The following PATJ variants were observed in gnomAD, a reference collection of about 807,000 sequenced individuals.
PATJ encodes PATJ crumbs cell polarity complex component, also known as inaD-like protein.
PATJ carries 190 observed loss-of-function variants against 224.9 expected under a neutral mutation model. That is an observed-to-expected ratio of 0.84 (90% confidence interval 0.75 to 0.95). PATJ has a LOEUF of 0.95. Ranked by LOEUF, PATJ falls within the 40% of genes least tolerant of loss-of-function variation. The pLI, the probability that PATJ is intolerant of heterozygous loss-of-function variation, is 0.00. For missense variants in PATJ, 2,121 were observed against 2,270.3 expected (o/e 0.93, Z 1.34); for synonymous variants, 769 against 820.3 (o/e 0.94, Z 1.07).
At chr1:61,988,449 G>A (rs140893076) in intron 27 of PATJ, among the ~76,000 whole-genome samples, 32 of 152,262 alleles carry the variant, frequency 2.1e-4, no homozygotes, top group African/African-American at 7.2e-4. Context: ...TACCCACACA[G>A]CATCTTGTTC....
intron 34 of PATJ, among the ~76,000 whole-genome samples, chr1:62,113,431 G>A (rs1664090212): frequency 6.6e-6 from 1 of 152,188 alleles, no homozygotes; most frequent in Admixed American, 6.5e-5. Flanking sequence ...GAGCCCAGGA[G>A]TTTGAGGCCA....
At chr1:61,774,789 T>C (rs536657159) in intron 6 of PATJ, among the ~76,000 whole-genome samples, 1 of 152,332 alleles carries the variant, frequency 6.6e-6, no homozygotes, top group East Asian at 1.9e-4. Flanking sequence ...TGGTTTTGAC[T>C]TCATGTGCTC....
intron 21 of PATJ, among the ~76,000 whole-genome samples, chr1:61,878,452 C>T (rs1009240494): frequency 6.6e-6 from 1 of 152,080 alleles, no homozygotes; most frequent in African/African-American, 2.4e-5. Flanking sequence ...ACCCTGATTC[C>T]AAAGTTTCTA....
chr1:62,082,039 C>T (rs1012183646), intron 32 of PATJ, among the ~76,000 whole-genome samples: 3 of 152,088 alleles, frequency 2.0e-5, no homozygotes, highest in Non-Finnish European at 4.4e-5. Context: ...TACCTAGAGC[C>T]TTTCTTTTTG....
chr1:62,106,754 C>G (rs560535158), intron 33 of PATJ, among the ~76,000 whole-genome samples: 1 of 152,214 alleles, frequency 6.6e-6, no homozygotes, highest in African/African-American at 2.4e-5. Context: ...CATCATCAAG[C>G]CTATTCTTGG....
intron 1 of PATJ, among the ~76,000 whole-genome samples, chr1:61,754,199 T>A (rs905130095): frequency 6.6e-6 from 1 of 152,204 alleles, no homozygotes; most frequent in African/African-American, 2.4e-5. Flanking sequence ...CAAGTTAGAC[T>A]CAGTTTCACC....
Position 61,914,697 on chromosome 1 carries a change from T to TTTTTG in PATJ, c.3570+43_3570+47dup, listed in dbSNP as rs992104118. The TTTTTG allele has an allele frequency of 2.2e-6, 3 of 1,389,688 alleles. No individual in the cohort carries two copies. The African/African-American group carries it at 4.3e-5, about 20-fold the overall frequency. The allele number at this position is 1,389,688 out of a possible 1,614,324, so 86.1% of individuals were successfully genotyped here. Reference sequence around the variant, plus strand: ...GAACCTCTCAAGGATTTAAAAAATGTTTTTGTTTTGTTTTTGTTTTTGTTT... The same window carrying TTTTTG: ...GAACCTCTCAAGGATTTAAAAAATGTTTTTGTTTTGTTTTGTTTTTGTTTTTGTTT... On this transcript the variant is annotated intron_variant, in intron 26 of 43. Coordinates refer to ENST00000642238, the MANE Select transcript of PATJ (RefSeq NM_001350145.3).
At chr1:62,024,988 G>A in intron 29 of PATJ, among the ~76,000 whole-genome samples, 1 of 152,154 alleles carries the variant, frequency 6.6e-6, no homozygotes, top group Non-Finnish European at 1.5e-5. Context: ...GTTCCCAACT[G>A]TCCCAAGCCT....
At chr1:61,863,110 A>C (rs1342895300) in intron 19 of PATJ, among the ~76,000 whole-genome samples, 1 of 136,256 alleles carries the variant, frequency 7.3e-6, no homozygotes, top group Non-Finnish European at 1.5e-5. Context: ...ATCATAACTC[A>C]CTTCAGCGTC....
chr1:61,992,135 G>C (rs946960895), intron 28 of PATJ, among the ~76,000 whole-genome samples: 1 of 67,554 alleles, frequency 1.5e-5, no homozygotes, highest in Non-Finnish European at 2.9e-5. Flanking sequence ...TTTTTTTTTT[G>C]AGACGGAGTT....
intron 31 of PATJ, among the ~76,000 whole-genome samples, chr1:62,053,570 T>C (rs942847469): frequency 6.6e-6 from 1 of 152,038 alleles, no homozygotes; most frequent in African/African-American, 2.4e-5. Context: ...AAATACAAAA[T>C]TAGCCAGGCA....
At chr1:61,985,088 C>T (rs981726193) in intron 27 of PATJ, among the ~76,000 whole-genome samples, 2 of 151,948 alleles carry the variant, frequency 1.3e-5, no homozygotes, top group African/African-American at 2.4e-5. Flanking sequence ...CCGTTGTGGG[C>T]GGATCACAAG....
At chr1:62,100,767 G>A (rs574202189) in intron 33 of PATJ, among the ~76,000 whole-genome samples, 1 of 152,188 alleles carries the variant, frequency 6.6e-6, no homozygotes, top group Non-Finnish European at 1.5e-5. Flanking sequence ...AAAAAGATGA[G>A]TTGGAAGCAG....
chr1:61,809,949 G>A (rs953792405), intron 14 of PATJ, among the ~76,000 whole-genome samples: 3 of 150,830 alleles, frequency 2.0e-5, no homozygotes, highest in Admixed American at 1.3e-4. Flanking sequence ...GGGTTCAAAC[G>A]ATTCTCCTGC....
chr1:61,822,429 GAAAAA>G (rs11427840), intron 14 of PATJ, among the ~76,000 whole-genome samples: 1 of 116,646 alleles, frequency 8.6e-6, no homozygotes, highest in African/African-American at 3.4e-5. Context: ...GACTGTGTCA[GAAAAA>G]AAAAAAAAAA....
chr1:61,955,836 A>T (rs926086705), intron 27 of PATJ, among the ~76,000 whole-genome samples: 3 of 152,192 alleles, frequency 2.0e-5, no homozygotes, highest in African/African-American at 7.2e-5. Context: ...GCATCTTCTC[A>T]AGTAATCCAT....
chr1:61,903,283 T>C (rs983524142), intron 24 of PATJ, among the ~76,000 whole-genome samples: 6 of 152,194 alleles, frequency 3.9e-5, no homozygotes, highest in Admixed American at 1.3e-4. Flanking sequence ...TGGTATATTT[T>C]GCAGGTGAAT....
intron 11 of PATJ, among the ~76,000 whole-genome samples, chr1:61,800,581 T>C (rs1206209509): frequency 6.6e-6 from 1 of 152,230 alleles, no homozygotes; most frequent in Non-Finnish European, 1.5e-5. Flanking sequence ...CTTTTCTTTT[T>C]TTAAATTTTT....
At chr1:61,991,501 T>C (rs911487930) in intron 28 of PATJ, 43 of 985,246 alleles carry the variant, frequency 4.4e-5, no homozygotes, top group Non-Finnish European at 4.7e-5. Flanking sequence ...CAGAATAGAA[T>C]TTACAGTCAT....
Sources: allele counts gnomAD v4.1 joint callset (sites outside exome capture counted in the v4.1 genomes callset), GRCh38; gene constraint gnomAD v4.1.1; transcripts MANE v1.5; gene names NCBI Gene and HGNC (gene_info 2026-07-23, HGNC 2026-07-21).